Variants in IL1RAPL2 observed in about 807,000 individuals in gnomAD.
The protein encoded by IL1RAPL2 is interleukin 1 receptor accessory protein like 2, also known as X-linked interleukin-1 receptor accessory protein-like 2.
IL1RAPL2 carries 3 observed loss-of-function variants against 44.1 expected under a neutral mutation model. The ratio of observed to expected loss-of-function variants is 0.07; its 90% CI spans 0.03 to 0.18. The LOEUF is 0.18. IL1RAPL2 is among the 10% of genes least tolerant of loss of function. The pLI is 1.00. For missense variants in IL1RAPL2, 391 were observed against 496.4 expected (o/e 0.79, Z 2.02); for synonymous variants, 181 against 178.8 (o/e 1.01, Z -0.10).
Position 105,406,113 on chromosome X carries a change from C to T in IL1RAPL2, c.698-78200C>T, listed in dbSNP as rs1029051542. On this transcript the variant is annotated intron_variant, in intron 5 of 10. Transcript: ENST00000372582. ...ATCTTTTTGAGAGAGCAGCTGGGAT[C>T]GAGTATACTCTTGACTTAAATGTGT... is the stretch of plus-strand genomic sequence containing the variant. 5 of 1,187,179 alleles carry T rather than the reference C, an allele frequency of 4.2e-6. No individual in the cohort carries two copies. The South Asian group carries it at 5.4e-5, about 13-fold the overall frequency.
At chrX:104,599,308 C>T (rs1270856444) in intron 1 of IL1RAPL2, among the ~76,000 whole-genome samples, 1 of 111,341 alleles carries the variant, frequency 9.0e-6, no homozygotes, top group Non-Finnish European at 1.9e-5. Flanking sequence ...AGTGCAATGG[C>T]GTGATCATGG....
intron 2 of IL1RAPL2, among the ~76,000 whole-genome samples, chrX:104,766,368 GGCCTGCCT>G (rs3081246): frequency 0.042 from 2,501 of 60,262 alleles, 85 homozygotes; most frequent in African/African-American, 0.11. Context: ...ATTCCTGGCT[GGCCTGCCT>G]GCCTGCCTGC....
At chrX:105,129,152 A>G (rs1363090446) in intron 2 of IL1RAPL2, among the ~76,000 whole-genome samples, 1 of 110,737 alleles carries the variant, frequency 9.0e-6, no homozygotes, top group Non-Finnish European at 1.9e-5. Context: ...AACAAGAGAA[A>G]CTTGTTTCTC....
chrX:105,610,832 CTATACTTTTAATTGTTATT>C (rs2037330411), intron 6 of IL1RAPL2, among the ~76,000 whole-genome samples: 1 of 111,570 alleles, frequency 9.0e-6, no homozygotes. Context: ...TTTACTTATT[CTATACTTTTAATTGTTATT>C]TTGGCGTGTA....
intron 8 of IL1RAPL2, among the ~76,000 whole-genome samples, chrX:105,743,042 C>T (rs1476640768): frequency 9.0e-6 from 1 of 111,472 alleles, no homozygotes; most frequent in African/African-American, 3.3e-5. Flanking sequence ...AGACTCTGAA[C>T]ACTTTTCCCA....
At chrX:104,919,557 C>A (rs1924568188) in intron 2 of IL1RAPL2, among the ~76,000 whole-genome samples, 1 of 86,623 alleles carries the variant, frequency 1.2e-5, no homozygotes, top group Admixed American at 1.4e-4. Flanking sequence ...GAGACAGAGT[C>A]TCTTACTCTG....
intron 6 of IL1RAPL2, among the ~76,000 whole-genome samples, chrX:105,696,887 T>G (rs996485045): frequency 9.0e-6 from 1 of 111,494 alleles, no homozygotes; most frequent in African/African-American, 3.3e-5. Context: ...TACCTGAGAC[T>G]AAGTAATTTA....
At chrX:105,659,034 C>T (rs210552) in intron 6 of IL1RAPL2, among the ~76,000 whole-genome samples, 43 of 108,668 alleles carry the variant, frequency 4.0e-4, no homozygotes, top group African/African-American at 1.2e-3. Context: ...GGCTGAGGCA[C>T]GAGAATCACA....
intron 2 of IL1RAPL2, among the ~76,000 whole-genome samples, chrX:105,110,614 T>C (rs1283721558): frequency 8.9e-6 from 1 of 111,815 alleles, no homozygotes; most frequent in Admixed American, 9.5e-5. Context: ...GAAAGATCCT[T>C]TTAGAATGCA....
At chrX:104,936,983 C>A (rs1925044643) in intron 2 of IL1RAPL2, among the ~76,000 whole-genome samples, 2 of 111,726 alleles carry the variant, frequency 1.8e-5, no homozygotes, top group Admixed American at 9.5e-5. Flanking sequence ...TTGCTTAGAG[C>A]AGAGAGACTG....
chrX:105,728,676 A>ACTT (rs1374864818), intron 7 of IL1RAPL2, among the ~76,000 whole-genome samples: 2 of 111,088 alleles, frequency 1.8e-5, no homozygotes, highest in Admixed American at 9.6e-5. Flanking sequence ...TAATGTCTTG[A>ACTT]CTTAGTGTGG....
chrX:105,020,201 T>A (rs997886967), intron 2 of IL1RAPL2, among the ~76,000 whole-genome samples: 2 of 110,522 alleles, frequency 1.8e-5, no homozygotes, highest in African/African-American at 6.6e-5. Context: ...CCTAGGCTAG[T>A]CTTGAACTCC....
At chrX:105,324,259 G>T (rs1165975405) in intron 5 of IL1RAPL2, among the ~76,000 whole-genome samples, 1 of 110,926 alleles carries the variant, frequency 9.0e-6, no homozygotes, top group Non-Finnish European at 1.9e-5. Flanking sequence ...AAGGCTTTAG[G>T]ATGTCAGAAG....
intron 6 of IL1RAPL2, among the ~76,000 whole-genome samples, chrX:105,634,470 G>GA (rs937358632): frequency 5.4e-5 from 6 of 110,971 alleles, no homozygotes; most frequent in South Asian, 3.7e-4. Context: ...AATAAAAAAG[G>GA]AAAAAAACAA....
At chrX:104,615,279 G>A (rs1929246415) in intron 1 of IL1RAPL2, among the ~76,000 whole-genome samples, 1 of 111,304 alleles carries the variant, frequency 9.0e-6, no homozygotes, top group Non-Finnish European at 1.9e-5. Context: ...TTGTTACATA[G>A]GTAAACATGT....
intron 2 of IL1RAPL2, among the ~76,000 whole-genome samples, chrX:105,122,289 G>A (rs1251596836): frequency 4.5e-5 from 5 of 111,785 alleles, no homozygotes; most frequent in African/African-American, 1.6e-4. Context: ...GTTTGCTCTA[G>A]TCAAACACTC....
At chrX:104,636,734 C>T (rs1214454432) in intron 1 of IL1RAPL2, among the ~76,000 whole-genome samples, 3 of 112,079 alleles carry the variant, frequency 2.7e-5, no homozygotes, top group Non-Finnish European at 3.8e-5. Context: ...TTCCAGGTAC[C>T]GTCTGTCACC....
In IL1RAPL2 at chrX:104,730,931, G is replaced by A. The variant is rs1250860594; in HGVS notation, c.82+71936G>A. ...ATCACCATTCTAACTGGTGTGAGAT[G>A]GTATCTCATTGTGGTTTTGATTTGC... On this transcript the variant is annotated intron_variant, in intron 2 of 10. Coordinates refer to ENST00000372582, the MANE Select transcript of IL1RAPL2 (RefSeq NM_017416.2). Among the ~76,000 whole-genome samples the A allele has an allele frequency of 3.5e-3, 387 of 111,202 alleles. 2 individuals carry two copies. Among genetic ancestry groups the A allele is most frequent in the Non-Finnish European group, 5.3e-3 (281 of 52,832 alleles).
chrX:105,657,867 G>A (rs988084907), intron 6 of IL1RAPL2, among the ~76,000 whole-genome samples: 2 of 109,911 alleles, frequency 1.8e-5, no homozygotes, highest in African/African-American at 6.6e-5. Context: ...CACCCACCTC[G>A]GCCTCCCAAA....
Sources: allele counts gnomAD v4.1 joint callset (sites outside exome capture counted in the v4.1 genomes callset), GRCh38; gene constraint gnomAD v4.1.1; transcripts MANE v1.5; gene names NCBI Gene and HGNC (gene_info 2026-07-23, HGNC 2026-07-21).